The following ROBO2 variants were observed in gnomAD, a reference collection of about 807,000 sequenced individuals.
ROBO2 encodes roundabout homolog 2.
Under a neutral mutation model 160.8 loss-of-function variants are expected in ROBO2, and 53 were observed. The observed-to-expected ratio is 0.33, with a 90% confidence interval of 0.26 to 0.41. The LOEUF (loss-of-function observed/expected upper bound fraction) is 0.41, where lower values mean the gene tolerates loss of function less well. Ranked by LOEUF, ROBO2 falls within the 10% of genes least tolerant of loss-of-function variation. The probability of loss-of-function intolerance (pLI) is 1.00; values close to 1 mark genes in which losing one functional copy is unlikely to be tolerated. For synonymous variants in ROBO2, 664 were observed against 611.7 expected, an observed-to-expected ratio of 1.09 and a Z score of -1.26; for missense variants, 1,577 against 1,722.4, an observed-to-expected ratio of 0.92 and a Z score of 1.49.
intron 2 of ROBO2, among the ~76,000 whole-genome samples, chr3:76,393,929 G>A (rs1235489603): frequency 2.0e-5 from 3 of 152,198 alleles, no homozygotes; most frequent in East Asian, 1.9e-4. Context: ...ATAGGTGGAT[G>A]AGGGGTGTAG....
chr3:76,589,235 TTATC>T (rs1422456507), intron 2 of ROBO2, among the ~76,000 whole-genome samples: 1 of 152,294 alleles, frequency 6.6e-6, no homozygotes, highest in African/African-American at 2.4e-5. Context: ...TATACAAAGT[TTATC>T]TGTCAGTTAT....
chr3:77,202,791 G>A (rs1414877104), intron 2 of ROBO2, among the ~76,000 whole-genome samples: 4 of 151,714 alleles, frequency 2.6e-5, no homozygotes, highest in African/African-American at 9.7e-5. Context: ...CCTATCAGGT[G>A]CCTCCCTGGG....
At chr3:77,102,666 G>C (rs559258377) in intron 2 of ROBO2, among the ~76,000 whole-genome samples, 71 of 152,064 alleles carry the variant, frequency 4.7e-4, no homozygotes, top group African/African-American at 1.6e-3. Flanking sequence ...ATAACCATCT[G>C]TCTTGACTGA....
intron 2 of ROBO2, among the ~76,000 whole-genome samples, chr3:76,963,208 A>T (rs2079800377): frequency 6.6e-6 from 1 of 152,186 alleles, no homozygotes; most frequent in Admixed American, 6.6e-5. Context: ...GTGATCATAA[A>T]TTATGTAAAT....
At chr3:75,926,963 A>G (rs1350734257) in intron 1 of ROBO2, among the ~76,000 whole-genome samples, 1 of 152,176 alleles carries the variant, frequency 6.6e-6, no homozygotes, top group Non-Finnish European at 1.5e-5. Flanking sequence ...AAAGGCATTT[A>G]TTATTCTGTA....
At chr3:77,215,166 G>T (rs1342755080) in intron 2 of ROBO2, among the ~76,000 whole-genome samples, 1 of 152,162 alleles carries the variant, frequency 6.6e-6, no homozygotes. Context: ...ATAATATCCT[G>T]CAGAGTGTTT....
At chr3:77,435,067 C>CCCTATCA (rs1166887035) in intron 2 of ROBO2, among the ~76,000 whole-genome samples, 1 of 151,792 alleles carries the variant, frequency 6.6e-6, no homozygotes, top group Non-Finnish European at 1.5e-5. Flanking sequence ...GTGAGATGAA[C>CCCTATCA]CCTATCACAC....
intron 2 of ROBO2, among the ~76,000 whole-genome samples, chr3:76,472,382 A>G (rs1287071474): frequency 6.6e-6 from 1 of 152,010 alleles, no homozygotes; most frequent in Non-Finnish European, 1.5e-5. Context: ...ATTTGAAAAT[A>G]AATAATATTA....
intron 2 of ROBO2, among the ~76,000 whole-genome samples, chr3:77,202,171 AACTGTGAAAC>A (rs2082974016): frequency 6.6e-6 from 1 of 152,186 alleles, no homozygotes. Flanking sequence ...GAAGCCATCC[AACTGTGAAAC>A]TACTGGTCAT....
intron 2 of ROBO2, among the ~76,000 whole-genome samples, chr3:77,403,623 T>G (rs2153514550): frequency 6.7e-6 from 1 of 149,864 alleles, no homozygotes; most frequent in South Asian, 2.1e-4. Flanking sequence ...TGTGTATTTT[T>G]TTTTTTATCC....
intron 2 of ROBO2, among the ~76,000 whole-genome samples, chr3:76,324,298 T>C (rs750103384): frequency 2.6e-5 from 4 of 152,330 alleles, no homozygotes; most frequent in Non-Finnish European, 4.4e-5. Context: ...AGACGTAATA[T>C]GTGATGCTCT....
chr3:77,625,549 T>A (rs2094997169), intron 23 of ROBO2, among the ~76,000 whole-genome samples: 1 of 152,132 alleles, frequency 6.6e-6, no homozygotes, highest in Admixed American at 6.5e-5. Flanking sequence ...AGCTGATTTT[T>A]GTATTTTTAG....
At chr3:76,739,544 T>G (rs1219352850) in intron 2 of ROBO2, among the ~76,000 whole-genome samples, 1 of 151,792 alleles carries the variant, frequency 6.6e-6, no homozygotes, top group Non-Finnish European at 1.5e-5. Context: ...GACGAGTTGG[T>G]GCAGCACACC....
At chr3:76,124,298 G>T (rs2070877010) in intron 2 of ROBO2, among the ~76,000 whole-genome samples, 1 of 151,988 alleles carries the variant, frequency 6.6e-6, no homozygotes, top group Non-Finnish European at 1.5e-5. Flanking sequence ...CTTCTAGCTA[G>T]AGTGTTATTT....
intron 2 of ROBO2, among the ~76,000 whole-genome samples, chr3:77,139,195 TG>T (rs2076509688): frequency 6.6e-6 from 1 of 152,078 alleles, no homozygotes; most frequent in South Asian, 2.1e-4. Flanking sequence ...ACTGTGGAGT[TG>T]GAGACAAACT....
intron 2 of ROBO2, among the ~76,000 whole-genome samples, chr3:77,319,167 T>G (rs536973689): frequency 6.6e-6 from 1 of 152,198 alleles, no homozygotes; most frequent in South Asian, 2.1e-4. Context: ...TTTAATTGCT[T>G]TATGTGCCAG....
At chr3:77,100,797 C>T (rs895084277) in intron 2 of ROBO2, among the ~76,000 whole-genome samples, 27 of 152,028 alleles carry the variant, frequency 1.8e-4, no homozygotes, top group African/African-American at 6.3e-4. Context: ...AAAAATACTA[C>T]GCAAATCCGG....
chr3:76,302,129 C>T (rs975008529), intron 2 of ROBO2, among the ~76,000 whole-genome samples: 1 of 152,018 alleles, frequency 6.6e-6, no homozygotes, highest in African/African-American at 2.4e-5. Flanking sequence ...CATGCCTTAA[C>T]TATATACTGA....
At chr3:76,938,356 C>T (rs575551387) in intron 2 of ROBO2, among the ~76,000 whole-genome samples, 19 of 141,606 alleles carry the variant, frequency 1.3e-4, no homozygotes, top group African/African-American at 5.0e-4. Flanking sequence ...CCGTCCCCCA[C>T]CTACCCCCCC....
Sources: gnomAD v4.1 joint callset for allele counts (sites outside exome capture counted in the v4.1 genomes callset) on GRCh38, gnomAD v4.1.1 for gene constraint, MANE v1.5 for transcripts, NCBI Gene and HGNC (gene_info 2026-07-23, HGNC 2026-07-21) for gene names.